NEK11: variants seen among roughly 807,000 people sequenced by gnomAD.
NEK11 encodes NIMA related kinase 11.
Under a neutral mutation model 80.7 loss-of-function variants are expected in NEK11, and 72 were observed. That is an observed-to-expected ratio of 0.89 (90% CI 0.74 to 1.08). NEK11 has a LOEUF of 1.08. Ranked by LOEUF, NEK11 falls within the 50% of genes least tolerant of loss-of-function variation. NEK11 has a pLI of 0.00. For synonymous variants in NEK11, 251 were observed against 260.7 expected (o/e 0.96, Z 0.36); for missense variants, 764 against 763.6 (o/e 1.00, Z -0.01).
intron 7 of NEK11, among the ~76,000 whole-genome samples, chr3:131,147,829 G>A (rs1045725866): frequency 1.3e-5 from 2 of 151,712 alleles, no homozygotes; most frequent in Non-Finnish European, 2.9e-5. Flanking sequence ...AATCTTTATA[G>A]ATTTTTTTAA....
intron 15 of NEK11, among the ~76,000 whole-genome samples, chr3:131,233,030 AAGGAAGGT>A (rs2095362254): frequency 7.1e-6 from 1 of 141,788 alleles, no homozygotes; most frequent in African/African-American, 2.7e-5. Context: ...GGAAGGAAGG[AAGGAAGGT>A]TGGATGAGAA....
At chr3:131,330,926 A>AGT (rs552882449) in intron 17 of NEK11, 23 of 125,862 alleles carry the variant, frequency 1.8e-4, no homozygotes, top group African/African-American at 6.8e-4. Flanking sequence ...GAGAGAAGGA[A>AGT]GGGGGGGGGG....
chr3:131,209,459 C>T (rs560766208), intron 14 of NEK11, among the ~76,000 whole-genome samples: 1 of 152,212 alleles, frequency 6.6e-6, no homozygotes, highest in East Asian at 1.9e-4. Flanking sequence ...GTGTTTCTGC[C>T]AGACTTTGGT....
At chr3:131,111,436 C>T (rs1310128945) in intron 5 of NEK11, among the ~76,000 whole-genome samples, 1 of 152,044 alleles carries the variant, frequency 6.6e-6, no homozygotes, top group Non-Finnish European at 1.5e-5. Context: ...AGAGAAATTA[C>T]AATTTTATGT....
At chr3:131,161,805 A>T (rs2091630899) in intron 10 of NEK11, among the ~76,000 whole-genome samples, 1 of 152,262 alleles carries the variant, frequency 6.6e-6, no homozygotes, top group African/African-American at 2.4e-5. Flanking sequence ...CTATATAACA[A>T]ACCTGCACAT....
chr3:131,239,652 G>A (rs569581262), intron 15 of NEK11, among the ~76,000 whole-genome samples: 1 of 152,256 alleles, frequency 6.6e-6, no homozygotes, highest in Admixed American at 6.5e-5. Flanking sequence ...TAGACAGATG[G>A]CTGAGTTTTC....
rs1363489319 is a variant in NEK11, at chr3:131,116,802, T to C, written c.455+6881T>C. 6.6e-5 allele frequency among the ~76,000 whole-genome samples: 10 copies of C among 152,320 alleles called. No individual in the cohort carries two copies. The East Asian group carries it at 9.6e-4, about 15-fold the overall frequency. On this transcript the variant is annotated intron_variant, in intron 5 of 17. Transcript: ENST00000383366. ...TTGAGAAGTGTCTGTTCATATCCTT[T>C]GCCCACTTCTTGATGGGGTTGTTTG...
chr3:131,125,063 A>T (rs147963526), intron 5 of NEK11, among the ~76,000 whole-genome samples: 1 of 152,222 alleles, frequency 6.6e-6, no homozygotes, highest in East Asian at 1.9e-4. Flanking sequence ...TTTTCTCTCT[A>T]TTCTTAGAAA....
intron 3 of NEK11, among the ~76,000 whole-genome samples, chr3:131,056,813 C>T (rs2069592357): frequency 6.6e-6 from 1 of 152,060 alleles, no homozygotes; most frequent in African/African-American, 2.4e-5. Context: ...AGCAGATGCC[C>T]TCTATGTCTA....
intron 5 of NEK11, among the ~76,000 whole-genome samples, chr3:131,120,307 C>G (rs1320568316): frequency 3.3e-5 from 5 of 152,110 alleles, no homozygotes; most frequent in Admixed American, 3.3e-4. Context: ...AATATTGGCC[C>G]CCACTCTCTT....
intron 17 of NEK11, among the ~76,000 whole-genome samples, chr3:131,298,688 A>AGGT (rs1019957752): frequency 5.1e-4 from 76 of 149,948 alleles, no homozygotes; most frequent in African/African-American, 1.1e-3. Flanking sequence ...TAATATGCCT[A>AGGT]GGTGGTGGTG....
Position 131,027,944 on chromosome 3 carries a change from T to G in NEK11, c.-155T>G, listed in dbSNP as rs2064152615. 1 of 152,198 alleles carries G rather than the reference T, an allele frequency of 6.6e-6. No individual in the cohort carries two copies. The highest frequency in any genetic ancestry group is 1.5e-5 in the Non-Finnish European group (1 of 68,040). 9.4% of individuals were successfully genotyped at this position (152,198 alleles called of 1,614,324 possible). A position where few individuals can be genotyped will look rare whatever the true frequency, so the allele number is the denominator to read the frequency against. ...TTCTCTAAAAGGAACCTTAATCTCA[T>G]CTTTAAAATAAGGAGAATTACTGAG... is the stretch of plus-strand genomic sequence containing the variant. On this transcript the variant is annotated 5_prime_UTR_variant, in exon 2 of 18. Transcript: ENST00000383366.
chr3:131,203,424 T>G (rs1580107083), intron 14 of NEK11, among the ~76,000 whole-genome samples: 2 of 117,748 alleles, frequency 1.7e-5, no homozygotes, highest in African/African-American at 6.4e-5. Context: ...CACTGGGGCC[T>G]GTTGTGGGGT....
intron 14 of NEK11, among the ~76,000 whole-genome samples, chr3:131,201,175 T>A (rs1185855690): frequency 1.3e-5 from 2 of 149,304 alleles, no homozygotes; most frequent in Non-Finnish European, 3.0e-5. Context: ...GTATATCATT[T>A]AGGAATTATA....
intron 7 of NEK11, among the ~76,000 whole-genome samples, chr3:131,145,633 T>C (rs1215913380): frequency 6.6e-6 from 1 of 152,268 alleles, no homozygotes; most frequent in East Asian, 1.9e-4. Context: ...GGGCTAGCCC[T>C]GATTTCCAAC....
At chr3:131,329,847 G>T in intron 17 of NEK11, 1 of 152,696 alleles carries the variant, frequency 6.5e-6, no homozygotes, top group Non-Finnish European at 1.5e-5. Context: ...AGGGAGTGAG[G>T]GGAGGAAGGT....
chr3:131,255,447 T>C (rs953146525), intron 16 of NEK11, among the ~76,000 whole-genome samples: 4 of 152,182 alleles, frequency 2.6e-5, no homozygotes, highest in African/African-American at 4.8e-5. Context: ...AATAAAACAG[T>C]GGTATCCTAA....
intron 5 of NEK11, among the ~76,000 whole-genome samples, chr3:131,129,700 C>T (rs574579646): frequency 2.0e-5 from 3 of 152,298 alleles, no homozygotes; most frequent in Non-Finnish European, 2.9e-5. Context: ...TTTGTTGAAA[C>T]GACTGTGTTC....
At chr3:131,287,925 G>T (rs1243627040) in intron 17 of NEK11, among the ~76,000 whole-genome samples, 4 of 152,154 alleles carry the variant, frequency 2.6e-5, no homozygotes, top group Admixed American at 2.6e-4. Context: ...AGATTTACAT[G>T]CATTCCATGT....
Sources: allele counts gnomAD v4.1 joint callset (sites outside exome capture counted in the v4.1 genomes callset), GRCh38; gene constraint gnomAD v4.1.1; transcripts MANE v1.5; gene names NCBI Gene and HGNC (gene_info 2026-07-23, HGNC 2026-07-21).